CADM1: variants seen among roughly 807,000 people sequenced by gnomAD.
The protein encoded by CADM1 is TSLC-1.
In CADM1, 15 loss-of-function variants were observed where a neutral mutation model predicts 53.1. That is an observed-to-expected ratio of 0.28 (90% CI 0.19 to 0.44). The LOEUF (loss-of-function observed/expected upper bound fraction) is 0.44. Among genes scored for constraint, CADM1 ranks in the 20% least tolerant of loss-of-function variants. The pLI is 1.00. For synonymous variants in CADM1, 281 were observed against 243.0 expected (o/e 1.16, Z -1.45); for missense variants, 434 against 611.3 (o/e 0.71, Z 3.06).
chr11:115,361,753 G>A (rs899763901), intron 1 of CADM1, among the ~76,000 whole-genome samples: 2 of 151,728 alleles, frequency 1.3e-5, no homozygotes, highest in Non-Finnish European at 2.9e-5. Context: ...TTGAGACAGG[G>A]TCTTACTCTG....
intron 1 of CADM1, among the ~76,000 whole-genome samples, chr11:115,329,107 A>G (rs1945064225): frequency 6.6e-6 from 1 of 152,082 alleles, no homozygotes; most frequent in Non-Finnish European, 1.5e-5. Context: ...AGTCTCTCTT[A>G]AATGAAGGAC....
intron 1 of CADM1, among the ~76,000 whole-genome samples, chr11:115,268,670 T>C (rs1413609768): frequency 1.3e-5 from 2 of 152,222 alleles, no homozygotes. Flanking sequence ...TTTGCTTTCT[T>C]GATGAAACTG....
intron 1 of CADM1, among the ~76,000 whole-genome samples, chr11:115,388,005 C>T (rs1269207138): frequency 1.3e-5 from 2 of 151,942 alleles, no homozygotes; most frequent in Non-Finnish European, 2.9e-5. Context: ...ACAAGATAAG[C>T]CTAGCACATC....
intron 1 of CADM1, among the ~76,000 whole-genome samples, chr11:115,431,702 G>A (rs181252007): frequency 2.6e-4 from 39 of 151,922 alleles, no homozygotes; most frequent in Middle Eastern, 3.4e-3. Flanking sequence ...TGTTCCCTCT[G>A]GAAAGTTCTT....
intron 1 of CADM1, among the ~76,000 whole-genome samples, chr11:115,435,648 G>A (rs756594180): frequency 9.2e-5 from 14 of 152,188 alleles, no homozygotes; most frequent in Admixed American, 5.9e-4. Flanking sequence ...CAGAAGAAGC[G>A]TTTGAACCTG....
intron 1 of CADM1, among the ~76,000 whole-genome samples, chr11:115,346,804 GGTGTTC>G (rs1945591031): frequency 6.6e-6 from 1 of 151,974 alleles, no homozygotes; most frequent in Non-Finnish European, 1.5e-5. Flanking sequence ...TTGTTTTGTT[GGTGTTC>G]AATTGTTCCA....
At chr11:115,180,680 C>T (rs571035673) in intron 10 of CADM1, among the ~76,000 whole-genome samples, 1 of 151,902 alleles carries the variant, frequency 6.6e-6, no homozygotes, top group Admixed American at 6.5e-5. Flanking sequence ...GGGGAGCATT[C>T]CCCGTGGGGT....
intron 2 of CADM1, among the ~76,000 whole-genome samples, chr11:115,239,679 G>T (rs543390907): frequency 1.3e-5 from 2 of 150,946 alleles, no homozygotes; most frequent in South Asian, 4.2e-4. Flanking sequence ...CTTCGCTTTG[G>T]TTAGGCACCG....
intron 1 of CADM1, among the ~76,000 whole-genome samples, chr11:115,472,456 GGTGT>G (rs1227103717): frequency 1.3e-5 from 2 of 152,074 alleles, no homozygotes; most frequent in African/African-American, 4.8e-5. Context: ...TATAGGGGGG[GGTGT>G]GTGTGTGAGA....
At chr11:115,474,290 CAAAAA>C (rs60168853) in intron 1 of CADM1, among the ~76,000 whole-genome samples, 2 of 20,216 alleles carry the variant, frequency 9.9e-5, no homozygotes, top group South Asian at 2.1e-3. Context: ...GACTCCATCT[CAAAAA>C]AAAAAAAAAA....
At chr11:115,307,109 C>T (rs1264702448) in intron 1 of CADM1, among the ~76,000 whole-genome samples, 1 of 151,906 alleles carries the variant, frequency 6.6e-6, no homozygotes, top group Admixed American at 6.6e-5. Context: ...ATATTTATAA[C>T]ATATATTTAA....
In CADM1 at chr11:115,369,882, C is replaced by T. The variant is rs372873456; in HGVS notation, c.125-129462G>A. Among the ~76,000 whole-genome samples the T allele has an allele frequency of 8.1e-4, 123 of 152,234 alleles. 1 individual carries two copies. Among genetic ancestry groups the T allele is most frequent in the African/African-American group, 2.5e-3 (103 of 41,542 alleles). On this transcript the variant is annotated intron_variant, in intron 1 of 11. Transcript: ENST00000331581. ...AATACACAATTCTGAAATGCTGCCACGGAAAAAAGACTTAGCACTTTTTCC... is the reference window on the plus strand; with the variant it reads ...AATACACAATTCTGAAATGCTGCCATGGAAAAAAGACTTAGCACTTTTTCC...
intron 1 of CADM1, chr11:115,377,317 GAAACAGCAGA>G (rs1230540374): frequency 1.3e-5 from 2 of 152,142 alleles, no homozygotes; most frequent in African/African-American, 4.8e-5. Flanking sequence ...TGGGAGGAAG[GAAACAGCAGA>G]ACGCTTCTGA....
At chr11:115,476,006 T>A (rs1325108191) in intron 1 of CADM1, among the ~76,000 whole-genome samples, 1 of 152,232 alleles carries the variant, frequency 6.6e-6, no homozygotes, top group Non-Finnish European at 1.5e-5. Flanking sequence ...TTCACTCTTA[T>A]AAAATAGTAG....
At chr11:115,215,231 A>G (rs1303139982) in intron 6 of CADM1, among the ~76,000 whole-genome samples, 2 of 152,222 alleles carry the variant, frequency 1.3e-5, no homozygotes, top group Admixed American at 6.5e-5. Flanking sequence ...ATTTAGATGG[A>G]TTTTGAGTTT....
rs148684284 is a variant in CADM1 at position 115,390,377 on chromosome 11, G to C, written c.124+113894C>G. Among the ~76,000 whole-genome samples the C allele has an allele frequency of 5.6e-3, 844 of 151,952 alleles. 10 individuals are homozygous for C. The highest frequency in any genetic ancestry group is 0.02 in the African/African-American group (810 of 41,452). On this transcript the variant is annotated intron_variant, in intron 1 of 11. Coordinates refer to ENST00000331581, the MANE Select transcript of CADM1 (RefSeq NM_001301043.2). Reference sequence around the variant, plus strand: ...AGAGAGGGAGAAGGGGAAAGGGTTGGGGGGCAGGGAGGAGAGGGAGGAAGG... The same window carrying C: ...AGAGAGGGAGAAGGGGAAAGGGTTGCGGGGCAGGGAGGAGAGGGAGGAAGG...
chr11:115,364,217 T>C (rs1946100717), intron 1 of CADM1, among the ~76,000 whole-genome samples: 1 of 152,218 alleles, frequency 6.6e-6, no homozygotes, highest in Non-Finnish European at 1.5e-5. Flanking sequence ...TGTGTCTCAG[T>C]TTCAAAACCT....
intron 1 of CADM1, among the ~76,000 whole-genome samples, chr11:115,269,208 G>A (rs1037016436): frequency 3.9e-5 from 6 of 152,116 alleles, no homozygotes; most frequent in African/African-American, 1.4e-4. Flanking sequence ...ACTTGCTCTT[G>A]TGAAAACACA....
At chr11:115,385,366 A>G (rs1175138379) in intron 1 of CADM1, among the ~76,000 whole-genome samples, 1 of 152,138 alleles carries the variant, frequency 6.6e-6, no homozygotes, top group East Asian at 1.9e-4. Flanking sequence ...AGCTTTTTCT[A>G]TGTGTGAGTA....
Sources: allele counts gnomAD v4.1 joint callset (sites outside exome capture counted in the v4.1 genomes callset), GRCh38; gene constraint gnomAD v4.1.1; transcripts MANE v1.5; gene names NCBI Gene and HGNC (gene_info 2026-07-23, HGNC 2026-07-21).